The following IGSF21 variants were observed in gnomAD, a reference collection of about 807,000 sequenced individuals.
IGSF21 encodes the protein immunoglobulin superfamily member 21.
Under a neutral mutation model 46.8 loss-of-function variants are expected in IGSF21, and 28 were observed. The ratio of observed to expected loss-of-function variants is 0.60; its 90% CI spans 0.44 to 0.82. The LOEUF (loss-of-function observed/expected upper bound fraction) is 0.82, where lower values mean the gene tolerates loss of function less well. IGSF21 is among the 40% of genes least tolerant of loss of function. The pLI is 0.00. For missense variants in IGSF21, 624 were observed against 665.5 expected, an observed-to-expected ratio of 0.94 and a Z score of 0.69; for synonymous variants, 284 against 273.6, an observed-to-expected ratio of 1.04 and a Z score of -0.38.
chr1:18,179,045 G>A (rs1412405350), intron 1 of IGSF21: 1 of 152,260 alleles, frequency 6.6e-6, no homozygotes, highest in African/African-American at 2.4e-5. Context: ...AAGGGTGGGG[G>A]ACTCACCAAT....
At chr1:18,355,723 T>A (rs1313342882) in intron 4 of IGSF21, among the ~76,000 whole-genome samples, 1 of 152,018 alleles carries the variant, frequency 6.6e-6, no homozygotes, top group Non-Finnish European at 1.5e-5. Flanking sequence ...GGTGGACTTA[T>A]AGAATAGGGT....
Position 18,182,724 on chromosome 1 carries a change from G to A in IGSF21, c.71-45174G>A, listed in dbSNP as rs572894808. ...CTTTCCTGAGTTCTGTCCTTTCATT[G>A]CTCTAGCATGCTGCCCTCTGAGCAC... On this transcript the variant is annotated intron_variant, in intron 1 of 9. Coordinates refer to ENST00000251296, the MANE Select transcript of IGSF21 (RefSeq NM_032880.5). Among the ~76,000 whole-genome samples, 391 of 152,326 alleles carry A rather than the reference G, an allele frequency of 2.6e-3. 2 individuals are homozygous for A. Among genetic ancestry groups the A allele is most frequent in the Non-Finnish European group, 4.5e-3 (306 of 68,018 alleles).
At chr1:18,300,751 G>T (rs1307394294) in intron 3 of IGSF21, among the ~76,000 whole-genome samples, 1 of 152,218 alleles carries the variant, frequency 6.6e-6, no homozygotes. Flanking sequence ...GAGATAGAGT[G>T]TGCGCATGCT....
At chr1:18,186,134 C>G (rs2086900807) in intron 1 of IGSF21, among the ~76,000 whole-genome samples, 2 of 152,122 alleles carry the variant, frequency 1.3e-5, no homozygotes, top group South Asian at 4.1e-4. Flanking sequence ...TTCCCTGTCC[C>G]CCAGACACTT....
At chr1:18,129,685 G>A (rs1396293991) in intron 1 of IGSF21, among the ~76,000 whole-genome samples, 2 of 152,200 alleles carry the variant, frequency 1.3e-5, no homozygotes, top group Non-Finnish European at 2.9e-5. Flanking sequence ...ACCCCTCATG[G>A]TAGGCATCTT....
chr1:18,247,446 T>A (rs1038520032), intron 2 of IGSF21, among the ~76,000 whole-genome samples: 8 of 152,194 alleles, frequency 5.3e-5, no homozygotes, highest in African/African-American at 1.9e-4. Flanking sequence ...TGCCATCCTT[T>A]GAGTGTGAGC....
intron 2 of IGSF21, among the ~76,000 whole-genome samples, chr1:18,257,445 T>C (rs1373131742): frequency 1.3e-5 from 2 of 152,144 alleles, no homozygotes. Flanking sequence ...CTAATTTTTT[T>C]CCCCATCCAA....
chr1:18,315,066 T>G (rs1461007798), intron 3 of IGSF21, among the ~76,000 whole-genome samples: 1 of 152,058 alleles, frequency 6.6e-6, no homozygotes, highest in Non-Finnish European at 1.5e-5. Flanking sequence ...GGCCAGGCAG[T>G]GCTTCCAGAG....
chr1:18,208,090 G>C (rs2084350316), intron 1 of IGSF21, among the ~76,000 whole-genome samples: 1 of 151,976 alleles, frequency 6.6e-6, no homozygotes, highest in African/African-American at 2.4e-5. Flanking sequence ...GCCAACAGGG[G>C]AGTTTTCCTA....
chr1:18,133,805 T>A (rs1001390440), intron 1 of IGSF21, among the ~76,000 whole-genome samples: 1 of 152,286 alleles, frequency 6.6e-6, no homozygotes, highest in African/African-American at 2.4e-5. Context: ...GGGGGCTTTG[T>A]TGGCTTGGTC....
At chr1:18,273,909 G>A (rs1336837683) in intron 2 of IGSF21, among the ~76,000 whole-genome samples, 2 of 152,114 alleles carry the variant, frequency 1.3e-5, no homozygotes, top group African/African-American at 4.8e-5. Context: ...ACTCCTGGGT[G>A]TGGCTGAAAT....
intron 1 of IGSF21, among the ~76,000 whole-genome samples, chr1:18,119,773 T>A (rs1435925824): frequency 3.0e-5 from 4 of 132,812 alleles, no homozygotes; most frequent in African/African-American, 1.1e-4. Context: ...TTTTTTTTTT[T>A]TCATTGTAAT....
At chr1:18,150,782 C>T (rs2086515316) in intron 1 of IGSF21, among the ~76,000 whole-genome samples, 1 of 152,228 alleles carries the variant, frequency 6.6e-6, no homozygotes, top group Non-Finnish European at 1.5e-5. Flanking sequence ...CCAGCACTTT[C>T]ACTGGGGCAG....
chr1:18,186,932 C>T (rs934526503), intron 1 of IGSF21, among the ~76,000 whole-genome samples: 19 of 152,192 alleles, frequency 1.2e-4, no homozygotes, highest in African/African-American at 4.6e-4. Context: ...TCATAGCATC[C>T]TCTGTCTTTC....
chr1:18,192,754 GA>G (rs1173495610), intron 1 of IGSF21, among the ~76,000 whole-genome samples: 1 of 152,128 alleles, frequency 6.6e-6, no homozygotes, highest in Admixed American at 6.5e-5. Context: ...TCCATACTCT[GA>G]GTTTAATTTT....
chr1:18,362,305 T>C, intron 5 of IGSF21, 75 bp downstream of exon 5: 1 of 1,027,794 alleles, frequency 9.7e-7, no homozygotes. Flanking sequence ...CAGCTGCAGG[T>C]GTCGCCACTG....
At chr1:18,273,453 T>TTCCTTTC in intron 2 of IGSF21, among the ~76,000 whole-genome samples, 1 of 86,702 alleles carries the variant, frequency 1.2e-5, no homozygotes, top group Admixed American at 1.4e-4. Flanking sequence ...TCACTTTCTT[T>TTCCTTTC]CTTTCTCTCT....
chr1:18,134,070 C>A (rs928578682), intron 1 of IGSF21, among the ~76,000 whole-genome samples: 3 of 152,134 alleles, frequency 2.0e-5, no homozygotes, highest in African/African-American at 4.8e-5. Context: ...CAGGTAGCTA[C>A]AAACTAGAGG....
intron 1 of IGSF21, among the ~76,000 whole-genome samples, chr1:18,187,559 A>C (rs1043884390): frequency 4.6e-5 from 7 of 152,182 alleles, no homozygotes; most frequent in African/African-American, 1.7e-4. Context: ...TGAGAACAGT[A>C]TGGGGGAAAC....
Sources: allele counts gnomAD v4.1 joint callset (sites outside exome capture counted in the v4.1 genomes callset), GRCh38; gene constraint gnomAD v4.1.1; transcripts MANE v1.5; gene names NCBI Gene and HGNC (gene_info 2026-07-23, HGNC 2026-07-21).